The following HDAC9 variants were observed in gnomAD, a reference collection of about 807,000 sequenced individuals.
HDAC9 encodes the protein MEF-2 interacting transcription repressor (MITR) protein.
In HDAC9, 41 loss-of-function variants were observed where a neutral mutation model predicts 139.4. That is an observed-to-expected ratio of 0.29 (90% CI 0.23 to 0.38). HDAC9 has a LOEUF of 0.38. Among genes scored for constraint, HDAC9 ranks in the 10% least tolerant of loss-of-function variants. The pLI is 1.00. For synonymous variants in HDAC9, 517 were observed against 476.2 expected (o/e 1.09, Z -1.12); for missense variants, 1,147 against 1,297.0 (o/e 0.88, Z 1.78).
chr7:18,857,363 G>GTATGTA (rs1797769382), intron 21 of HDAC9, among the ~76,000 whole-genome samples: 1 of 150,862 alleles, frequency 6.6e-6, no homozygotes, highest in Non-Finnish European at 1.5e-5. Flanking sequence ...GTGTGTGTGT[G>GTATGTA]TATGTATGTA....
intron 22 of HDAC9, among the ~76,000 whole-genome samples, chr7:18,895,662 C>T (rs776306273): frequency 9.2e-5 from 14 of 152,030 alleles, no homozygotes; most frequent in Non-Finnish European, 1.8e-4. Flanking sequence ...TGACTTGATA[C>T]TTTCAGTTAA....
chr7:18,956,110 A>G (rs1783126598), intron 24 of HDAC9, among the ~76,000 whole-genome samples: 1 of 152,104 alleles, frequency 6.6e-6, no homozygotes, highest in African/African-American at 2.4e-5. Context: ...ATCTACTATC[A>G]AAACTTGCTG....
At chr7:18,726,132 A>G (rs147952985) in intron 12 of HDAC9, among the ~76,000 whole-genome samples, 23 of 152,350 alleles carry the variant, frequency 1.5e-4, no homozygotes, top group Non-Finnish European at 2.5e-4. Context: ...AAATTTATAG[A>G]TTTATATGCA....
intron 1 of HDAC9, among the ~76,000 whole-genome samples, chr7:18,444,111 G>A (rs978000317): frequency 1.6e-4 from 25 of 151,896 alleles, no homozygotes; most frequent in African/African-American, 6.0e-4. Flanking sequence ...GGCCAAGGTG[G>A]GTTGATCACC....
chr7:18,157,481 G>A (rs1787296959), intron 1 of HDAC9, among the ~76,000 whole-genome samples: 1 of 152,128 alleles, frequency 6.6e-6, no homozygotes, highest in Admixed American at 6.5e-5. Flanking sequence ...TTCCCTGGAG[G>A]CAGGGATACC....
chr7:18,202,292 T>TAA (rs1791189697), intron 2 of HDAC9, among the ~76,000 whole-genome samples: 1 of 152,208 alleles, frequency 6.6e-6, no homozygotes, highest in Non-Finnish European at 1.5e-5. Flanking sequence ...TTTTCCAATG[T>TAA]TTATCTCTTT....
At chr7:18,116,824 G>A (rs1208808165) in intron 1 of HDAC9, among the ~76,000 whole-genome samples, 1 of 152,142 alleles carries the variant, frequency 6.6e-6, no homozygotes, top group Non-Finnish European at 1.5e-5. Flanking sequence ...TGGCTTAAAT[G>A]TATGAAAGGA....
intron 12 of HDAC9, chr7:18,666,900 GTTT>G: frequency 1.0e-6 from 1 of 996,900 alleles, no homozygotes; most frequent in Non-Finnish European, 1.2e-6. Flanking sequence ...CATTCGATTA[GTTT>G]TTGATTTTTT....
intron 1 of HDAC9, among the ~76,000 whole-genome samples, chr7:18,292,432 T>G (rs1797867711): frequency 1.3e-5 from 2 of 152,128 alleles, no homozygotes; most frequent in South Asian, 4.1e-4. Flanking sequence ...TCGTCAGTAT[T>G]CCTATAAAGC....
At chr7:18,629,266 C>CT (rs369822160) in intron 6 of HDAC9, 84 bp from the exon 7 acceptor site, 42,786 of 991,386 alleles carry the variant, frequency 0.043, 219 homozygotes, top group African/African-American at 0.11. Context: ...AAGGGTGAGA[C>CT]TTTTTTTTTT....
intron 13 of HDAC9, among the ~76,000 whole-genome samples, chr7:18,732,822 TA>T (rs1231329796): frequency 2.0e-5 from 2 of 97,828 alleles, no homozygotes; most frequent in Admixed American, 9.0e-5. Flanking sequence ...CACACGTGTG[TA>T]TGTGTGCGTA....
chr7:18,780,837 T>A (rs1791188283), intron 16 of HDAC9, among the ~76,000 whole-genome samples: 1 of 152,010 alleles, frequency 6.6e-6, no homozygotes, highest in Admixed American at 6.6e-5. Flanking sequence ...ACCCTATGCC[T>A]AGGACACTTG....
chr7:18,921,854 T>G lies in HDAC9; in HGVS notation c.2804-13955T>G, dbSNP rs561715160. On this transcript the variant is annotated intron_variant, in intron 22 of 25. Coordinates refer to ENST00000686413, the MANE Select transcript of HDAC9 (RefSeq NM_178425.4). ...AAATGTCCAACAATGATAGACTGGA[T>G]TAAGAAAATGTGGCACATATGCACT... Among the ~76,000 whole-genome samples, 732 of 152,002 alleles carry G rather than the reference T, an allele frequency of 4.8e-3. 3 individuals are homozygous for G. Among genetic ancestry groups the G allele is most frequent in the Non-Finnish European group, 7.6e-3 (516 of 67,950 alleles).
chr7:18,411,936 C>T (rs1336365381), intron 1 of HDAC9, among the ~76,000 whole-genome samples: 2 of 144,340 alleles, frequency 1.4e-5, no homozygotes, highest in Non-Finnish European at 3.0e-5. Flanking sequence ...GGTGATTCTT[C>T]TGCCTCAGCC....
At chr7:18,284,796 T>A (rs1399915726) in intron 2 of HDAC9, among the ~76,000 whole-genome samples, 1 of 152,174 alleles carries the variant, frequency 6.6e-6, no homozygotes, top group Admixed American at 6.5e-5. Flanking sequence ...CTTCTTCATT[T>A]GATTTAAATC....
At chr7:18,608,638 T>G in intron 6 of HDAC9, among the ~76,000 whole-genome samples, 1 of 152,202 alleles carries the variant, frequency 6.6e-6, no homozygotes, top group East Asian at 1.9e-4. Context: ...TTAAATTTTA[T>G]AATGTTGTTT....
At chr7:18,545,938 A>T (rs536622030) in intron 2 of HDAC9, among the ~76,000 whole-genome samples, 2 of 152,340 alleles carry the variant, frequency 1.3e-5, no homozygotes, top group South Asian at 2.1e-4. Context: ...GAATCTCTAG[A>T]CTAAAATTTC....
intron 1 of HDAC9, among the ~76,000 whole-genome samples, chr7:18,433,373 C>A (rs186824252): frequency 6.6e-6 from 1 of 152,224 alleles, no homozygotes; most frequent in African/African-American, 2.4e-5. Context: ...ATTTGACATA[C>A]TACTGGAAGT....
upstream of HDAC9, among the ~76,000 whole-genome samples, chr7:18,287,445 G>A (rs2128222849): frequency 6.6e-6 from 1 of 152,276 alleles, no homozygotes; most frequent in South Asian, 2.1e-4. Context: ...TTTTGATTGA[G>A]CAACCAGTAA....
Sources: allele counts gnomAD v4.1 joint callset (sites outside exome capture counted in the v4.1 genomes callset), GRCh38; gene constraint gnomAD v4.1.1; transcripts MANE v1.5; gene names NCBI Gene and HGNC (gene_info 2026-07-23, HGNC 2026-07-21).